NIPAL2: variants seen among roughly 807,000 people sequenced by gnomAD.
The protein encoded by NIPAL2 is NIPA like domain containing 2.
Under a neutral mutation model 48.9 loss-of-function variants are expected in NIPAL2, and 43 were observed. The observed-to-expected ratio is 0.88, with a 90% CI of 0.69 to 1.13. NIPAL2 has a LOEUF of 1.13. Ranked by LOEUF, NIPAL2 falls within the 50% of genes most tolerant of loss-of-function variation. The probability of loss-of-function intolerance (pLI) is 0.00; values close to 1 mark genes in which losing one functional copy is unlikely to be tolerated. For synonymous variants in NIPAL2, 167 were observed against 174.6 expected, an observed-to-expected ratio of 0.96 and a Z score of 0.34; for missense variants, 446 against 461.4, an observed-to-expected ratio of 0.97 and a Z score of 0.31.
chr8:98,244,219 G>C (rs114371133), intron 3 of NIPAL2, among the ~76,000 whole-genome samples: 12 of 149,976 alleles, frequency 8.0e-5, no homozygotes, highest in Non-Finnish European at 1.2e-4. Context: ...AAAAATGAGG[G>C]GGGTGTGGGC....
chr8:98,262,418 A>G (rs1489362115), intron 1 of NIPAL2, among the ~76,000 whole-genome samples: 4 of 150,190 alleles, frequency 2.7e-5, no homozygotes, highest in East Asian at 3.9e-4. Flanking sequence ...GGCTCAAAAT[A>G]AAAGGATGGA....
intron 5 of NIPAL2, among the ~76,000 whole-genome samples, chr8:98,221,762 G>A (rs1297852206): frequency 6.6e-6 from 1 of 152,160 alleles, no homozygotes; most frequent in Admixed American, 6.5e-5. Flanking sequence ...ACGCCAGTTA[G>A]AATGGCGATC....
chr8:98,262,500 A>T (rs1370597725), intron 1 of NIPAL2, among the ~76,000 whole-genome samples: 17 of 151,670 alleles, frequency 1.1e-4, no homozygotes, highest in Admixed American at 2.6e-4. Context: ...TAAAACAGAC[A>T]TTAAACCAAC....
chr8:98,230,585 T>A (rs1449153697), intron 4 of NIPAL2, among the ~76,000 whole-genome samples: 1 of 152,220 alleles, frequency 6.6e-6, no homozygotes, highest in African/African-American at 2.4e-5. Context: ...AAGTAGTGTT[T>A]TGGGGGAATA....
chr8:98,216,312 T>A (rs1433411944), intron 5 of NIPAL2, among the ~76,000 whole-genome samples: 1 of 152,238 alleles, frequency 6.6e-6, no homozygotes, highest in Non-Finnish European at 1.5e-5. Context: ...CAGCCTCAAC[T>A]TCCCCATCTA....
intron 1 of NIPAL2, among the ~76,000 whole-genome samples, chr8:98,269,080 G>A (rs767684095): frequency 2.6e-5 from 4 of 152,094 alleles, no homozygotes; most frequent in Non-Finnish European, 4.4e-5. Flanking sequence ...CATCTTCAGG[G>A]TCCACTTCTA....
chr8:98,277,017 G>A (rs1006938530), intron 1 of NIPAL2, among the ~76,000 whole-genome samples: 10 of 151,158 alleles, frequency 6.6e-5, no homozygotes, highest in Non-Finnish European at 1.5e-4. Context: ...TGATCTGCTC[G>A]CCTTGGCCTC....
intron 3 of NIPAL2, among the ~76,000 whole-genome samples, chr8:98,238,666 A>C (rs1812840451): frequency 6.6e-6 from 1 of 151,934 alleles, no homozygotes. Context: ...TTGTCCTTCA[A>C]AACTTTTCCC....
At chr8:98,271,025 T>C (rs922556424) in intron 1 of NIPAL2, among the ~76,000 whole-genome samples, 2 of 152,202 alleles carry the variant, frequency 1.3e-5, no homozygotes, top group East Asian at 3.8e-4. Context: ...GCTTTATTTC[T>C]GGGCTCTCTA....
At chr8:98,289,006 A>G (rs1255411327) in intron 1 of NIPAL2, among the ~76,000 whole-genome samples, 1 of 152,184 alleles carries the variant, frequency 6.6e-6, no homozygotes, top group African/African-American at 2.4e-5. Context: ...ATACTATAGT[A>G]AATGGTGTCT....
chr8:98,236,478 A>T (rs57566626), intron 3 of NIPAL2, among the ~76,000 whole-genome samples: 4,401 of 152,274 alleles, frequency 0.029, 226 homozygotes, highest in African/African-American at 0.098. Context: ...AAAAGACAGA[A>T]CAAATGAAAG....
intron 1 of NIPAL2, among the ~76,000 whole-genome samples, chr8:98,293,163 T>C (rs1816582579): frequency 2.0e-5 from 3 of 152,232 alleles, no homozygotes; most frequent in African/African-American, 4.8e-5. Flanking sequence ...TTTCTGATTA[T>C]ATTGTTGCAA....
At chr8:98,218,908 G>A (rs879588394) in intron 5 of NIPAL2, among the ~76,000 whole-genome samples, 2 of 152,138 alleles carry the variant, frequency 1.3e-5, no homozygotes, top group South Asian at 2.1e-4. Context: ...TGTTGATGAC[G>A]AACAGCAGGG....
chr8:98,191,394 G>A lies in NIPAL2; in HGVS notation c.*1584C>T, dbSNP rs964143490. 3.3e-5 allele frequency: 5 copies of A among 152,128 alleles called. No homozygotes were observed. The highest frequency in any genetic ancestry group is 1.9e-4 in the East Asian group (1 of 5,194). 9.4% of individuals were successfully genotyped at this position (152,128 alleles called of 1,614,324 possible). On this transcript the variant is annotated 3_prime_UTR_variant, in exon 11 of 11. Transcript: ENST00000430223. ...TGCATGGGACACTTGCTACGATGGC[G>A]GGAATTATTACCAGGAGTTTAGGAG...
chr8:98,258,352 T>C (rs1814034131), intron 1 of NIPAL2, among the ~76,000 whole-genome samples: 1 of 152,232 alleles, frequency 6.6e-6, no homozygotes, highest in South Asian at 2.1e-4. Context: ...CACAGAAGTG[T>C]ACACTTACAA....
chr8:98,268,654 A>C (rs1224925693), intron 1 of NIPAL2, among the ~76,000 whole-genome samples: 2 of 151,262 alleles, frequency 1.3e-5, no homozygotes, highest in Non-Finnish European at 2.9e-5. Context: ...AAAGAAAAAA[A>C]CCCCACAAAA....
chr8:98,215,614 C>T (rs536631056), intron 5 of NIPAL2, among the ~76,000 whole-genome samples: 1 of 152,188 alleles, frequency 6.6e-6, no homozygotes, highest in South Asian at 2.1e-4. Flanking sequence ...AACTGAGGCT[C>T]AGAGGGGCTA....
intron 1 of NIPAL2, among the ~76,000 whole-genome samples, chr8:98,267,486 A>G (rs1002403178): frequency 2.0e-5 from 3 of 151,808 alleles, no homozygotes; most frequent in Admixed American, 6.6e-5. Context: ...ACACCCACCT[A>G]ATTTTTCTAT....
chr8:98,272,674 G>T (rs1406142676), intron 1 of NIPAL2, among the ~76,000 whole-genome samples: 1 of 150,986 alleles, frequency 6.6e-6, no homozygotes. Context: ...GAGTGCAGTG[G>T]CACAATCTTG....
Sources: gnomAD v4.1 joint callset for allele counts (sites outside exome capture counted in the v4.1 genomes callset) on GRCh38, gnomAD v4.1.1 for gene constraint, MANE v1.5 for transcripts, NCBI Gene and HGNC (gene_info 2026-07-23, HGNC 2026-07-21) for gene names.